TESPA1: variants seen among roughly 807,000 people sequenced by gnomAD.
The protein encoded by TESPA1 is protein TESPA1.
Under a neutral mutation model 57.9 loss-of-function variants are expected in TESPA1, and 33 were observed. The ratio of observed to expected loss-of-function variants is 0.57; its 90% CI spans 0.43 to 0.76. TESPA1 has a LOEUF of 0.76. Ranked by LOEUF, TESPA1 falls within the 30% of genes least tolerant of loss-of-function variation. The pLI is 0.00. For synonymous variants in TESPA1, 227 were observed against 228.9 expected, an observed-to-expected ratio of 0.99 and a Z score of 0.07; for missense variants, 618 against 632.9, an observed-to-expected ratio of 0.98 and a Z score of 0.25.
At chr12:54,965,796 G>A (rs1951389285) in intron 7 of TESPA1, among the ~76,000 whole-genome samples, 1 of 152,128 alleles carries the variant, frequency 6.6e-6, no homozygotes, top group African/African-American at 2.4e-5. Flanking sequence ...GATGGTACCA[G>A]TACTATACCT....
At chr12:54,956,719 C>T (rs1212738479) in intron 10 of TESPA1, among the ~76,000 whole-genome samples, 7 of 152,100 alleles carry the variant, frequency 4.6e-5, no homozygotes, top group Admixed American at 3.9e-4. Context: ...CCACAGATAA[C>T]GGCAATTTTT....
intron 3 of TESPA1, among the ~76,000 whole-genome samples, chr12:54,970,475 T>C (rs1184485168): frequency 6.6e-6 from 1 of 152,224 alleles, no homozygotes; most frequent in Non-Finnish European, 1.5e-5. Flanking sequence ...ATCTGCCAAG[T>C]ATTTCTATTC....
Position 54,962,672 on chromosome 12 carries a change from A to T in TESPA1, c.1226T>A (p.Ile409Lys). 1.9e-6 allele frequency: 3 copies of T among 1,613,688 alleles called. No homozygotes were observed. The highest frequency in any genetic ancestry group is 2.5e-6 in the Non-Finnish European group (3 of 1,179,826). ...DPQWSTDPAQ[I>K]RRELCSLPAT... ...TGGTAGACTACACAGCTCTCTCCTTATCTGAGCTGGGTCTGTGCTCCACTG... is the reference window on the plus strand; with the variant it reads ...TGGTAGACTACACAGCTCTCTCCTTTTCTGAGCTGGGTCTGTGCTCCACTG... Residue 409 changes from isoleucine (I) to lysine (K), a missense_variant, in exon 9 of 11, where the codon ATA (isoleucine) becomes AAA (lysine). By Grantham distance (102) the Ile-to-Lys change is moderately radical. Coordinates refer to ENST00000449076, the MANE Select transcript of TESPA1 (RefSeq NM_001136030.3).
rs754243427 is a variant in TESPA1 at position 54,950,200 on chromosome 12, C to T, written c.*192G>A. ...TGTGGCAGCATTAGGATGTGGATTC[C>T]AAATCGCTCAGTCTGGTCTTCCTCC... On this transcript the variant is annotated 3_prime_UTR_variant, in exon 11 of 11. Transcript: ENST00000449076. 1.1e-5 allele frequency: 5 copies of T among 449,418 alleles called. No individual in the cohort carries two copies. Among genetic ancestry groups the T allele is most frequent in the East Asian group, 7.0e-5 (1 of 14,268 alleles). 27.8% of individuals were successfully genotyped at this position (449,418 alleles called of 1,614,324 possible).
At chr12:54,969,300 A>G (rs1419199609) in intron 3 of TESPA1, among the ~76,000 whole-genome samples, 1 of 151,866 alleles carries the variant, frequency 6.6e-6, no homozygotes, top group African/African-American at 2.4e-5. Context: ...TTGTGGTATA[A>G]TACTACAAAC....
intron 10 of TESPA1, among the ~76,000 whole-genome samples, chr12:54,957,428 C>G (rs994243876): frequency 6.6e-6 from 1 of 152,184 alleles, no homozygotes; most frequent in African/African-American, 2.4e-5. Flanking sequence ...AAAAATTATC[C>G]CACTTAGCTC....
At chr12:54,985,161 C>T (rs1188937932), upstream of TESPA1, among the ~76,000 whole-genome samples, 1 of 152,174 alleles carries the variant, frequency 6.6e-6, no homozygotes, top group African/African-American at 2.4e-5. Context: ...CTGAGCCAGT[C>T]GCTCTGTGTT....
intron 3 of TESPA1, among the ~76,000 whole-genome samples, chr12:54,969,017 A>ATGTGTGTG (rs1316353337): frequency 9.6e-6 from 1 of 104,100 alleles, no homozygotes; most frequent in Non-Finnish European, 1.7e-5. Flanking sequence ...ACATATTTAT[A>ATGTGTGTG]TATGTATATA....
At chr12:54,959,820 A>G (rs1309196271) in intron 10 of TESPA1, among the ~76,000 whole-genome samples, 4 of 152,198 alleles carry the variant, frequency 2.6e-5, no homozygotes, top group Non-Finnish European at 5.9e-5. Context: ...ATGCCAGACC[A>G]GCAACTGAAA....
intron 1 of TESPA1, among the ~76,000 whole-genome samples, chr12:54,975,044 A>T (rs1952069948): frequency 6.6e-6 from 1 of 152,242 alleles, no homozygotes; most frequent in African/African-American, 2.4e-5. Flanking sequence ...TCATCAAGAC[A>T]TATGAAAAAA....
In TESPA1 at chr12:54,962,636, G is replaced by T. The variant is rs148518799; in HGVS notation, c.1262C>A (p.Thr421Lys). Reference sequence around the variant, plus strand: ...CTCATCCTTGGCTGGATGGGTTTCCGTATTGGTGGCTGGTAGACTACACAG... The same window carrying T: ...CTCATCCTTGGCTGGATGGGTTTCCTTATTGGTGGCTGGTAGACTACACAG... ...RELCSLPATN[T>K]ETHPAKDETF... Residue 421 changes from threonine to lysine, a missense_variant, in exon 9 of 11, where the codon ACG becomes AAG. Physicochemically the swap from Thr to Lys is moderately conservative, Grantham distance 78. This residue lies in a region of TESPA1 where 409 missense variants were observed against 420.1 expected (regional missense o/e 0.97). Coordinates refer to ENST00000449076, the MANE Select transcript of TESPA1 (RefSeq NM_001136030.3). 118 of 1,613,786 alleles carry T rather than the reference G, an allele frequency of 7.3e-5. No homozygotes were observed. Among genetic ancestry groups the T allele is most frequent in the Non-Finnish European group, 9.4e-5 (111 of 1,179,880 alleles).
At chr12:54,967,744 C>A in intron 4 of TESPA1, 99 bp downstream of exon 4, 1 of 1,387,962 alleles carries the variant, frequency 7.2e-7, no homozygotes, top group Non-Finnish European at 1.0e-6. Context: ...CTTTTGCATG[C>A]CTATGCATGT....
intron 3 of TESPA1, 83 bp downstream of exon 3, chr12:54,973,394 C>T (rs3741673): frequency 0.24 from 376,842 of 1,581,946 alleles, 55,995 homozygotes; most frequent in East Asian, 0.68. Context: ...TCCATCTTCC[C>T]GTCTCTGAGT....
chr12:54,967,349 C>A lies in TESPA1; in HGVS notation c.257-113G>T, dbSNP rs987639085. 2.5e-6 allele frequency: 3 copies of A among 1,197,868 alleles called. No individual in the cohort carries two copies. In the African/African-American group the frequency reaches 4.6e-5, roughly 18 times the overall value. The allele number at this position is 1,197,868 out of a possible 1,614,324, so 74.2% of individuals were successfully genotyped here. ...CACATGCCCTTAGACTAGACTTGCACAACCAGATAATCATACTAGATACCC... is the reference window on the plus strand; with the variant it reads ...CACATGCCCTTAGACTAGACTTGCAAAACCAGATAATCATACTAGATACCC... On this transcript the variant is annotated intron_variant, in intron 4 of 10. Transcript: ENST00000449076.
chr12:54,963,392 CT>C, intron 8 of TESPA1, 150 bp from the exon 9 acceptor site: 1 of 863,466 alleles, frequency 1.2e-6, no homozygotes, highest in Non-Finnish European at 1.7e-6. Context: ...TTCTAACACT[CT>C]TTTTCTGGAA....
rs752097157 is a variant in TESPA1 at position 54,963,087 on chromosome 12, A to G, written c.811T>C (p.Ser271Pro). The change falls in exon 9 of 11, where the codon TCC becomes CCC. Residue 271 changes from serine (S) to proline (P), a missense_variant. By Grantham distance (74) the Ser-to-Pro change is moderately conservative (BLOSUM62 -1). Coordinates refer to ENST00000449076, the MANE Select transcript of TESPA1 (RefSeq NM_001136030.3). ...PTDVPSIRILSREPEPQSPRD... is the reference protein window; with the variant it reads ...PTDVPSIRILPREPEPQSPRD... ...GGTGACTGGGGTTCAGGCTCTCGGG[A>G]CAGAATCCTGATGGATGGCACATCA... 2.5e-6 allele frequency: 4 copies of G among 1,613,900 alleles called. No individual in the cohort carries two copies. Among genetic ancestry groups the G allele is most frequent in the Non-Finnish European group, 3.4e-6 (4 of 1,179,878 alleles).
chr12:54,966,385 T>TA lies in TESPA1; in HGVS notation c.347+2dup. The TA allele has an allele frequency of 3.1e-6, 5 of 1,613,874 alleles. No homozygotes were observed. Among genetic ancestry groups the TA allele is most frequent in the Non-Finnish European group, 4.2e-6 (5 of 1,179,778 alleles). ...ATTCACCCTGGCTGAACCTAACACTTACCTGGAGAAGAGTTTGCCATTGGC... is the reference window on the plus strand; with the variant it reads ...ATTCACCCTGGCTGAACCTAACACTTAACCTGGAGAAGAGTTTGCCATTGGC... On this transcript the variant is annotated splice_region_variant and intron_variant, in intron 6 of 10. Transcript: ENST00000449076.
At chr12:54,974,262 A>G (rs916356939) in intron 2 of TESPA1, 138 bp downstream of exon 2, 1 of 648,928 alleles carries the variant, frequency 1.5e-6, no homozygotes, top group African/African-American at 1.9e-5. Flanking sequence ...TTTCTCCTAA[A>G]CATATTTAAA....
At chr12:54,971,981 C>T (rs1295695832) in intron 3 of TESPA1, among the ~76,000 whole-genome samples, 1 of 152,166 alleles carries the variant, frequency 6.6e-6, no homozygotes, top group Non-Finnish European at 1.5e-5. Context: ...AAAGCACATA[C>T]ACATATATCA....
Sources: gnomAD v4.1 joint callset for allele counts (sites outside exome capture counted in the v4.1 genomes callset) on GRCh38, gnomAD v4.1.1 for gene constraint, gnomAD v4.1.1 regional missense constraint, MANE v1.5 for transcripts, NCBI Gene and HGNC (gene_info 2026-07-23, HGNC 2026-07-21) for gene names.